The following SENP1 variants were observed in gnomAD, a reference collection of about 807,000 sequenced individuals.
SENP1 encodes the protein SUMO specific peptidase 1, also known as sentrin-specific protease 1.
A neutral mutation model predicts 93.0 loss-of-function variants in SENP1; 21 were observed. The ratio of observed to expected loss-of-function variants is 0.23; its 90% CI spans 0.16 to 0.33. SENP1 has a LOEUF of 0.33. Ranked by LOEUF, SENP1 falls within the 10% of genes least tolerant of loss-of-function variation. The probability of loss-of-function intolerance (pLI) is 1.00; values close to 1 mark genes in which losing one functional copy is unlikely to be tolerated. For missense variants in SENP1, 591 were observed against 758.7 expected, an observed-to-expected ratio of 0.78 and a Z score of 2.60; for synonymous variants, 256 against 259.6, an observed-to-expected ratio of 0.99 and a Z score of 0.13.
intron 4 of SENP1, among the ~76,000 whole-genome samples, chr12:48,095,016 A>G (rs1372743181): frequency 2.0e-5 from 3 of 152,296 alleles, no homozygotes; most frequent in East Asian, 1.9e-4. Flanking sequence ...GAGAAAATTG[A>G]TTGATTTTTC....
intron 1 of SENP1, chr12:48,105,663 G>C: frequency 2.3e-6 from 1 of 431,480 alleles, no homozygotes; most frequent in Non-Finnish European, 4.4e-6. Context: ...GCTCTCCCCA[G>C]AGAAGACCCA....
rs147425222 is a variant in SENP1, at chr12:48,091,907, T to C, written c.221-2947A>G. Among the ~76,000 whole-genome samples, 1,504 of 152,214 alleles carry C rather than the reference T, an allele frequency of 9.9e-3. 11 individuals are homozygous for C. Among genetic ancestry groups the C allele is most frequent in the Non-Finnish European group, 0.016 (1,085 of 68,004 alleles). On this transcript the variant is annotated intron_variant, in intron 4 of 17. Transcript: ENST00000549518. ...CGTTGCCTGGGCTGGTCTCAAACTC[T>C]TGGGCTCAGGTGACACTCCCGCCTT...
chr12:48,098,720 A>C (rs1184649536), intron 2 of SENP1, among the ~76,000 whole-genome samples: 1 of 151,726 alleles, frequency 6.6e-6, no homozygotes, highest in Non-Finnish European at 1.5e-5. Flanking sequence ...CTGAGGCAGG[A>C]GGACTGTTTT....
At chr12:48,098,492 A>G (rs1945709429) in intron 2 of SENP1, among the ~76,000 whole-genome samples, 1 of 150,688 alleles carries the variant, frequency 6.6e-6, no homozygotes, top group Admixed American at 6.6e-5. Context: ...GAAATACAAA[A>G]ATTAGCCAGG....
intron 1 of SENP1, among the ~76,000 whole-genome samples, chr12:48,103,271 C>T (rs926769671): frequency 5.3e-5 from 8 of 152,084 alleles, no homozygotes; most frequent in Admixed American, 1.3e-4. Flanking sequence ...CGATTATATC[C>T]AGAGAGGTTA....
At chr12:48,052,535 T>A (rs7959755) in intron 13 of SENP1, among the ~76,000 whole-genome samples, 34,538 of 152,050 alleles carry the variant, frequency 0.23, 4,597 homozygotes, top group East Asian at 0.55. Flanking sequence ...AACCACAAAG[T>A]CCAAGAGACT....
intron 2 of SENP1, among the ~76,000 whole-genome samples, chr12:48,098,364 G>T (rs1375434279): frequency 6.6e-6 from 1 of 151,910 alleles, no homozygotes; most frequent in Non-Finnish European, 1.5e-5. Context: ...TAGCCAGCAG[G>T]TCAGGTGTGG....
chr12:48,087,533 T>C (rs373381144), intron 5 of SENP1, among the ~76,000 whole-genome samples: 1 of 152,098 alleles, frequency 6.6e-6, no homozygotes, highest in African/African-American at 2.4e-5. Flanking sequence ...ATACTATATA[T>C]GAGTAAGAAA....
At chr12:48,085,212 A>C in intron 5 of SENP1, 1 of 1,518,046 alleles carries the variant, frequency 6.6e-7, no homozygotes, top group Admixed American at 1.7e-5. Flanking sequence ...GATCGAAGAC[A>C]CTTTCCGGCA....
Position 48,088,865 on chromosome 12 carries a change from T to C in SENP1, c.316A>G (p.Ser106Gly), listed in dbSNP as rs1945054699. 1.2e-6 allele frequency: 2 copies of C among 1,606,590 alleles called. No individual in the cohort carries two copies. Among genetic ancestry groups the C allele is most frequent in the Non-Finnish European group, 1.7e-6 (2 of 1,176,228 alleles). ...GQWRNSTPSS[S>G]SSLQKSRNSR... Reference sequence around the variant, plus strand: ...TTTCTTGATTTTTGTAAAGATGAGCTTGACGATGGGGTAGAATTTCTCCAT... The same window carrying C: ...TTTCTTGATTTTTGTAAAGATGAGCCTGACGATGGGGTAGAATTTCTCCAT... The change falls in exon 5 of 18, where the codon AGC (serine) becomes GGC (glycine). Residue 106 changes from serine (S) to glycine (G), a missense_variant. Ser to Gly is a moderately conservative substitution (Grantham distance 56, BLOSUM62 0). This residue lies in a region of SENP1 where 214 missense variants were observed against 243.4 expected (regional missense o/e 0.88). Coordinates refer to ENST00000549518, the MANE Select transcript of SENP1 (RefSeq NM_001267594.2).
At chr12:48,047,117 C>CCA in intron 15 of SENP1, 55 bp from the exon 16 acceptor site, 1 of 1,103,886 alleles carries the variant, frequency 9.1e-7, no homozygotes, top group Non-Finnish European at 1.4e-6. Flanking sequence ...ATGACAGCTG[C>CCA]CACACTAAGA....
In SENP1 at chr12:48,098,052, G is replaced by A; in HGVS notation, c.77C>T (p.Thr26Ile). Residue 26 changes from threonine to isoleucine, a missense_variant, in exon 3 of 18, where the codon ACC becomes ATC. Physicochemically the swap from Thr to Ile is moderately conservative, Grantham distance 89. Transcript: ENST00000549518. ...AAAACCTGTTTGTGGCAGGAGGTGG[G>A]TTTTGAATACGGAGTTGTGGTTCAC... ...TLVNHNSVFK[T>I]HLLPQTGFPE... 1 of 1,613,782 alleles carries A rather than the reference G, an allele frequency of 6.2e-7. No individual in the cohort carries two copies. Among genetic ancestry groups the A allele is most frequent in the Non-Finnish European group, 8.5e-7 (1 of 1,179,780 alleles).
intron 13 of SENP1, among the ~76,000 whole-genome samples, chr12:48,050,792 CAAG>C (rs1399763446): frequency 6.6e-6 from 1 of 152,138 alleles, no homozygotes; most frequent in Non-Finnish European, 1.5e-5. Flanking sequence ...GAAAAATTGG[CAAG>C]AAGGAATTCA....
Position 48,088,786 on chromosome 12 carries a change from T to G in SENP1, c.380+15A>C, listed in dbSNP as rs762196546. 1.6e-5 allele frequency: 26 copies of G among 1,605,940 alleles called. 1 individual carries two copies. In the Admixed American group the frequency reaches 2.7e-4, roughly 17 times the overall value. ...CTGAGGAAGGGCTTGAGAACTAAGA[T>G]GACAAAATACGAACCTTGAGGTCTT... On this transcript the variant is annotated intron_variant, in intron 5 of 17. Coordinates refer to ENST00000549518, the MANE Select transcript of SENP1 (RefSeq NM_001267594.2).
intron 13 of SENP1, chr12:48,055,143 G>A: frequency 3.8e-6 from 1 of 260,790 alleles, no homozygotes; most frequent in Non-Finnish European, 7.3e-6. Context: ...GCTTGGCAGG[G>A]GAGCCACATT....
At chr12:48,094,321 A>G (rs1565804755) in intron 4 of SENP1, among the ~76,000 whole-genome samples, 2 of 152,192 alleles carry the variant, frequency 1.3e-5, no homozygotes, top group African/African-American at 4.8e-5. Flanking sequence ...TCAAGGTTGC[A>G]GTGAGCCATG....
chr12:48,105,599 G>A (rs983746090), intron 1 of SENP1: 5 of 462,894 alleles, frequency 1.1e-5, no homozygotes, highest in African/African-American at 2.0e-5. Flanking sequence ...GGGTCTCAAG[G>A]AAGGCGGGAG....
chr12:48,101,931 T>C (rs1945961907), intron 1 of SENP1, among the ~76,000 whole-genome samples: 1 of 152,242 alleles, frequency 6.6e-6, no homozygotes, highest in South Asian at 2.1e-4. Flanking sequence ...GACTTTGTGA[T>C]GGTCCTATTA....
At position 48,074,830 on chromosome 12, in the gene SENP1, A is replaced by G. The variant is rs1229517877; in HGVS notation, c.553-37T>C. The G allele has an allele frequency of 2.3e-6, 3 of 1,328,224 alleles. No homozygotes were observed. In the Admixed American group the frequency reaches 6.3e-5, roughly 28 times the overall value. The allele number at this position is 1,328,224 out of a possible 1,614,324, so 82.3% of individuals were successfully genotyped here. A position where few individuals can be genotyped will look rare whatever the true frequency, so the allele number is the denominator to read the frequency against. On this transcript the variant is annotated intron_variant, in intron 6 of 17. Coordinates refer to ENST00000549518, the MANE Select transcript of SENP1 (RefSeq NM_001267594.2). ...CAAAAAAAAAAAACAGTTTAAACAC[A>G]TCCAATAAGGCAAGTATTTCTCAAA... is the stretch of plus-strand genomic sequence containing the variant.
Sources: gnomAD v4.1 joint callset for allele counts (sites outside exome capture counted in the v4.1 genomes callset) on GRCh38, gnomAD v4.1.1 for gene constraint, gnomAD v4.1.1 regional missense constraint, MANE v1.5 for transcripts, NCBI Gene and HGNC (gene_info 2026-07-23, HGNC 2026-07-21) for gene names.